DLG4: variants seen among roughly 807,000 people sequenced by gnomAD.
The protein encoded by DLG4 is discs large MAGUK scaffold protein 4.
In DLG4, 7 loss-of-function variants were observed where a neutral mutation model predicts 93.8. That is an observed-to-expected ratio of 0.07 (90% CI 0.04 to 0.14). The LOEUF (loss-of-function observed/expected upper bound fraction) is 0.14, where lower values mean the gene tolerates loss of function less well. Among genes scored for constraint, DLG4 ranks in the 10% least tolerant of loss-of-function variants. The pLI is 1.00. For missense variants in DLG4, 545 were observed against 992.9 expected (o/e 0.55, Z 6.06); for synonymous variants, 341 against 387.6 (o/e 0.88, Z 1.41).
chr17:7,204,974 A>AG, intron 2 of DLG4: 2 of 985,594 alleles, frequency 2.0e-6, no homozygotes, highest in Middle Eastern at 5.2e-4. Flanking sequence ...TCAGGACAAC[A>AG]GGGGGGTGGG....
At chr17:7,219,748 G>C (rs542756786), upstream of DLG4, 429 of 1,453,422 alleles carry the variant, frequency 3.0e-4, 2 homozygotes, top group Middle Eastern at 2.7e-3. Context: ...TAGGTCGGAC[G>C]GGCGGGATTA....
In DLG4 at chr17:7,188,523, TGAA is replaced by T. The variant is rs2069354608; in HGVS notation, c.*2182_*2184del. Among the ~76,000 whole-genome samples, 1 of 152,098 alleles carries T rather than the reference TGAA, an allele frequency of 6.6e-6. No individual in the cohort carries two copies. The highest frequency in any genetic ancestry group is 1.5e-5 in the Non-Finnish European group (1 of 68,008). On this transcript the variant is annotated 3_prime_UTR_variant, in exon 20 of 20. Transcript: ENST00000399506. ...CAAAGGTTCATCTGTGCCAAACACA[TGAA>T]GAAGGCAGAAGGCTGAGAGTCACCA...
In DLG4 at chr17:7,196,612, G is replaced by A. The variant is rs1244186939; in HGVS notation, c.1084-37C>T. The A allele has an allele frequency of 1.2e-6, 2 of 1,610,918 alleles. No homozygotes were observed. The highest frequency in any genetic ancestry group is 1.1e-5 in the South Asian group (1 of 90,928). On this transcript the variant is annotated intron_variant, in intron 9 of 19. Transcript: ENST00000399506. This position sits in a 1 kb window ranked among gnomAD's most constrained non-coding sequence, Gnocchi z 8.3. The stretch of plus-strand genomic sequence containing the variant: ...ACGACAGGCTGTGTCACCAGAGACA[G>A]GAGGCAGCACTTCTGGGTCCAGGTG...
At chr17:7,213,241 G>A (rs1329938088) in intron 1 of DLG4, among the ~76,000 whole-genome samples, 2 of 151,318 alleles carry the variant, frequency 1.3e-5, no homozygotes, top group Non-Finnish European at 3.0e-5. Context: ...GGCATTACAG[G>A]CGCCCGCCAC....
rs1387884550 is a variant in DLG4 at position 7,196,721 on chromosome 17, AG to A, written c.1083+35del. The A allele has an allele frequency of 1.3e-5, 21 of 1,585,106 alleles. No homozygotes were observed. Among genetic ancestry groups the A allele is most frequent in the East Asian group, 4.6e-5 (2 of 43,342 alleles). ...GAGCTCTGCGCTCTGCCCTGTGGGG[AG>A]GGGGTGGTGCAGGTAGGGGCAGGCC... On this transcript the variant is annotated intron_variant, in intron 9 of 19. Transcript: ENST00000399506. The surrounding 1 kb of genome is among the most constrained non-coding windows in gnomAD (Gnocchi z 8.3).
chr17:7,211,821 CGG>C (rs1318925894), intron 1 of DLG4: 4 of 3,682 alleles, frequency 1.1e-3, no homozygotes, highest in South Asian at 0.014. Context: ...GAGGCTGCGG[CGG>C]GGGGGGGGGG....
rs1178295210 is a variant in DLG4, at chr17:7,203,032, G to A, written c.658C>T (p.Leu220=). 1.2e-6 allele frequency: 2 copies of A among 1,607,098 alleles called. No homozygotes were observed. The highest frequency in any genetic ancestry group is 1.7e-6 in the Non-Finnish European group (2 of 1,174,076). ...DKILAVNSVG[L]EDVMHEDAVA... ...GCATCTTCATGCATGACGTCCTCTAGCCCCACACTGTTGACCTGGAGTCAA... is the reference window on the plus strand; with the variant it reads ...GCATCTTCATGCATGACGTCCTCTAACCCCACACTGTTGACCTGGAGTCAA... The change falls in exon 8 of 20, where the codon CTA becomes TTA. Residue 220 remains leucine, a synonymous_variant. Coordinates refer to ENST00000399506, the MANE Select transcript of DLG4 (RefSeq NM_001321075.3). This position sits in a 1 kb window ranked among gnomAD's most constrained non-coding sequence, Gnocchi z 7.2.
At chr17:7,190,864 A>C in intron 19 of DLG4, 50 bp from the exon 20 acceptor site, 1 of 1,495,056 alleles carries the variant, frequency 6.7e-7, no homozygotes, top group Non-Finnish European at 9.3e-7. Flanking sequence ...GCCAGAGGAC[A>C]CCTGGCCAAG....
At position 7,208,215 on chromosome 17, in the gene DLG4, T is replaced by C; in HGVS notation, c.55A>G (p.Thr19Ala). 7.6e-7 allele frequency: 1 copy of C among 1,313,294 alleles called. No homozygotes were observed. Among genetic ancestry groups the C allele is most frequent in the Non-Finnish European group, 9.8e-7 (1 of 1,021,682 alleles). 81.4% of individuals were successfully genotyped at this position (1,313,294 alleles called of 1,614,324 possible). A position where few individuals can be genotyped will look rare whatever the true frequency, so the allele number is the denominator to read the frequency against. Residue 19 changes from threonine (T) to alanine (A), a missense_variant, in exon 2 of 20, where the codon ACG becomes GCG. Coordinates refer to ENST00000399506, the MANE Select transcript of DLG4 (RefSeq NM_001321075.3). The surrounding 1 kb of genome is among the most constrained non-coding windows in gnomAD (Gnocchi z 5.4). ...TKKYRYQDEDTPPLEHSPAHL... is the reference protein window; with the variant it reads ...TKKYRYQDEDAPPLEHSPAHL... ...GCCGGGCTGTGCTCCAGAGGGGGCGTGTCTTCATCTTGGTAGCGGTATTTC... is the reference window on the plus strand; with the variant it reads ...GCCGGGCTGTGCTCCAGAGGGGGCGCGTCTTCATCTTGGTAGCGGTATTTC...
chr17:7,198,665 T>C (rs989072988), intron 8 of DLG4, among the ~76,000 whole-genome samples: 5 of 151,194 alleles, frequency 3.3e-5, no homozygotes, highest in Non-Finnish European at 5.9e-5. Context: ...CTGGCCAAGA[T>C]GGTGAAATCC....
Position 7,191,363 on chromosome 17 carries a change from G to GA in DLG4, c.1977-6dup, listed in dbSNP as rs2069484667. Reference sequence around the variant, plus strand: ...GTGATCCGCTTGTTAATCTCTCTGTGAAGAGGGAGGGAGAGCAGGCCTGAG... The same window carrying GA: ...GTGATCCGCTTGTTAATCTCTCTGTGAAAGAGGGAGGGAGAGCAGGCCTGAG... On this transcript the variant is annotated splice_region_variant and splice_polypyrimidine_tract_variant and intron_variant, in intron 18 of 19. Transcript: ENST00000399506. The surrounding 1 kb of genome is among the most constrained non-coding windows in gnomAD (Gnocchi z 6.6). The GA allele has an allele frequency of 6.2e-7, 1 of 1,613,582 alleles. No homozygotes were observed.
chr17:7,189,194 G>A lies in DLG4; in HGVS notation c.*1514C>T, dbSNP rs2069374739. Among the ~76,000 whole-genome samples, 1 of 150,852 alleles carries A rather than the reference G, an allele frequency of 6.6e-6. No individual in the cohort carries two copies. The highest frequency in any genetic ancestry group is 1.5e-5 in the Non-Finnish European group (1 of 67,806). ...CAGCAGTTCTTATCAGCAGAACTCT[G>A]TAAAGATCATTTCCAGGCCAGGCGC... On this transcript the variant is annotated 3_prime_UTR_variant, in exon 20 of 20. Transcript: ENST00000399506.
intron 8 of DLG4, among the ~76,000 whole-genome samples, chr17:7,198,325 A>C (rs2069909780): frequency 6.6e-6 from 1 of 151,818 alleles, no homozygotes; most frequent in Admixed American, 6.6e-5. Flanking sequence ...TCTACTAAAA[A>C]TACAAAAATA....
chr17:7,219,909 G>T, upstream of DLG4: 1 of 1,560,426 alleles, frequency 6.4e-7, no homozygotes. Context: ...CAGGGTTAGG[G>T]GCGCCAGGAC....
At chr17:7,219,913 C>CCAGGACGTGGGCGTG (rs771198524), upstream of DLG4, 80 of 677,066 alleles carry the variant, frequency 1.2e-4, no homozygotes, top group Admixed American at 5.2e-4. Context: ...GTTAGGGGCG[C>CCAGGACGTGGGCGTG]CAGGACGTGG....
At chr17:7,205,212 C>T in intron 2 of DLG4, 1 of 974,510 alleles carries the variant, frequency 1.0e-6, no homozygotes, top group Non-Finnish European at 1.2e-6. Flanking sequence ...ACATCCGGGT[C>T]CTATCCCGCT....
intron 1 of DLG4, chr17:7,211,749 TC>T: frequency 9.9e-6 from 1 of 100,728 alleles, no homozygotes. Flanking sequence ...ATATCAAGGG[TC>T]CCGGGGGTTG....
chr17:7,219,999 G>C, upstream of DLG4: 2 of 1,603,802 alleles, frequency 1.2e-6, no homozygotes, highest in Non-Finnish European at 1.7e-6. Flanking sequence ...AGGCGGCTCG[G>C]ATGGCCGCGA....
At position 7,199,958 on chromosome 17, in the gene DLG4, C is replaced by T. The variant is rs183477309; in HGVS notation, c.788-2906G>A. Among the ~76,000 whole-genome samples, 602 of 138,388 alleles carry T rather than the reference C, an allele frequency of 4.4e-3. 4 individuals are homozygous for T. Among genetic ancestry groups the T allele is most frequent in the African/African-American group, 0.014 (495 of 36,502 alleles). The allele number at this position is 138,388 out of a possible 152,430, so 90.8% of individuals were successfully genotyped here. ...TCGTGCCACTGCACTCCAGCCTGGG[C>T]GACAGAGCGAGACTCCGTCTCAAAA... On this transcript the variant is annotated intron_variant, in intron 8 of 19. Transcript: ENST00000399506.
Sources: allele counts gnomAD v4.1 joint callset (sites outside exome capture counted in the v4.1 genomes callset), GRCh38; gene constraint gnomAD v4.1.1; non-coding constraint Gnocchi (gnomAD v3.1); transcripts MANE v1.5; gene names NCBI Gene and HGNC (gene_info 2026-07-23, HGNC 2026-07-21).